Variants in ZNF805 observed in about 807,000 individuals in gnomAD.
ZNF805 encodes CTC-444N24.8.
ZNF805 carries 7 observed loss-of-function variants against 13.6 expected under a neutral mutation model. The observed-to-expected ratio is 0.51, with a 90% CI of 0.29 to 0.97. The LOEUF is 0.97. Among genes scored for constraint, ZNF805 ranks in the 50% least tolerant of loss-of-function variants. The pLI is 0.08. For synonymous variants in ZNF805, 293 were observed against 279.8 expected, an observed-to-expected ratio of 1.05 and a Z score of -0.47; for missense variants, 604 against 771.0, an observed-to-expected ratio of 0.78 and a Z score of 2.57.
At position 57,254,348 on chromosome 19, in the gene ZNF805, C is replaced by T. The variant is rs771808581; in HGVS notation, c.1529C>T (p.Pro510Leu). 1 of 1,614,118 alleles carries T rather than the reference C, an allele frequency of 6.2e-7. No individual in the cohort carries two copies. Among genetic ancestry groups the T allele is most frequent in the Non-Finnish European group, 8.5e-7 (1 of 1,180,030 alleles). Residue 510 changes from proline to leucine, a missense_variant, in exon 4 of 4, where the codon CCC (proline) becomes CTC (leucine). Physicochemically the swap from Pro to Leu is moderately conservative, Grantham distance 98. This residue lies in a region of ZNF805 where 228 missense variants were observed against 352.8 expected (regional missense o/e 0.65). Transcript: ENST00000414468. ...RHQRIHSGEK[P>L]YECIECGKTF... is the part of the protein sequence containing the mutation. ...CAGCGGATTCATAGTGGAGAGAAGC[C>T]CTATGAATGCATCGAGTGTGGGAAA...
In ZNF805 at chr19:57,255,906, TC is replaced by T. The variant is rs2087684577; in HGVS notation, c.*1205del. ...TAGTGACAAGTTATCCATGCCTTGT[TC>T]CTGATATTAGGGGGAAATGTTCAGT... On this transcript the variant is annotated 3_prime_UTR_variant, in exon 4 of 4. Coordinates refer to ENST00000414468, the MANE Select transcript of ZNF805 (RefSeq NM_001023563.4). Among the ~76,000 whole-genome samples, 1 of 152,160 alleles carries T rather than the reference TC, an allele frequency of 6.6e-6. No homozygotes were observed.
Position 57,262,656 on chromosome 19 carries a change from A to C in ZNF805, c.*7953A>C, listed in dbSNP as rs534111139. ...CTGGCTACAACAGAGATAGTTGAAG[A>C]ATATGGAGTTCGCCATAATTTATCA... On this transcript the variant is annotated 3_prime_UTR_variant, in exon 4 of 4. Coordinates refer to ENST00000414468, the MANE Select transcript of ZNF805 (RefSeq NM_001023563.4). 3.6e-4 allele frequency: 60 copies of C among 167,230 alleles called. No individual in the cohort carries two copies. The highest frequency in any genetic ancestry group is 1.4e-3 in the African/African-American group (58 of 41,590). The allele number at this position is 167,230 out of a possible 1,614,324, so 10.4% of individuals were successfully genotyped here.
rs2087671037 is a variant in ZNF805, at chr19:57,254,155, A to G, written c.1336A>G (p.Lys446Glu). ...FTHCSTFILHKRAHTGEKPFE... is the reference protein window; with the variant it reads ...FTHCSTFILHERAHTGEKPFE... ...CCACTGCTCTACTTTCATCTTGCAT[A>G]AAAGGGCCCACACTGGAGAAAAACC... is the stretch of plus-strand genomic sequence containing the variant. Residue 446 changes from lysine to glutamate, a missense_variant, in exon 4 of 4, where the codon AAA (lysine) becomes GAA (glutamate). By Grantham distance (56) the Lys-to-Glu change is moderately conservative. Transcript: ENST00000414468. The G allele has an allele frequency of 6.2e-7, 1 of 1,613,596 alleles. No individual in the cohort carries two copies. Among genetic ancestry groups the G allele is most frequent in the East Asian group, 2.2e-5 (1 of 44,830 alleles).
At chr19:57,248,432 A>C (rs1027053931) in intron 2 of ZNF805, among the ~76,000 whole-genome samples, 173 bp from the exon 3 acceptor site, 5 of 152,236 alleles carry the variant, frequency 3.3e-5, no homozygotes, top group African/African-American at 9.6e-5. Flanking sequence ...ATTCTGTGGC[A>C]GCATGACATG....
At position 57,257,955 on chromosome 19, in the gene ZNF805, G is replaced by A. The variant is rs2087698646; in HGVS notation, c.*3252G>A. On this transcript the variant is annotated 3_prime_UTR_variant, in exon 4 of 4. Transcript: ENST00000414468. ...ACTCCTGACCTCAGGTGATCCACCT[G>A]CCTCAGCCTCCCAAAGTGCTAGGAT... Among the ~76,000 whole-genome samples, 1 of 147,502 alleles carries A rather than the reference G, an allele frequency of 6.8e-6. No individual in the cohort carries two copies.
At position 57,240,700 on chromosome 19, in the gene ZNF805, A is replaced by G. The variant is rs1157516784; in HGVS notation, c.-192A>G. The G allele has an allele frequency of 5.9e-6, 3 of 511,772 alleles. No individual in the cohort carries two copies. The highest frequency in any genetic ancestry group is 1.0e-5 in the Non-Finnish European group (3 of 289,656). 31.7% of individuals were successfully genotyped at this position (511,772 alleles called of 1,614,324 possible). Reference sequence around the variant, plus strand: ...GCCGCCTCCCTGGCGGCGCTGGGGAAATGAGCAGGTAGGAGGCCGACAGCG... The same window carrying G: ...GCCGCCTCCCTGGCGGCGCTGGGGAGATGAGCAGGTAGGAGGCCGACAGCG... On this transcript the variant is annotated 5_prime_UTR_variant, in exon 1 of 4. Transcript: ENST00000414468.
In ZNF805 at chr19:57,243,848, C is replaced by A. The variant is rs897140167; in HGVS notation, c.31-75C>A. ...GGCCCTCAGTGACTTGGGCCTTGAT[C>A]TTGTTGCACCTTTTCCAGCAAAGCA... On this transcript the variant is annotated intron_variant, in intron 1 of 3. Coordinates refer to ENST00000414468, the MANE Select transcript of ZNF805 (RefSeq NM_001023563.4). 15 of 1,606,322 alleles carry A rather than the reference C, an allele frequency of 9.3e-6. No homozygotes were observed. The South Asian group carries it at 1.7e-4, about 18-fold the overall frequency.
chr19:57,251,329 C>G (rs536301907), intron 3 of ZNF805, among the ~76,000 whole-genome samples: 78 of 152,206 alleles, frequency 5.1e-4, no homozygotes, highest in African/African-American at 1.8e-3. Context: ...TAAATGGACA[C>G]AAAATATTAT....
At position 57,255,679 on chromosome 19, in the gene ZNF805, A is replaced by G. The variant is rs1166000513; in HGVS notation, c.*976A>G. 1.3e-5 allele frequency among the ~76,000 whole-genome samples: 2 copies of G among 152,058 alleles called. No homozygotes were observed. The highest frequency in any genetic ancestry group is 2.9e-5 in the Non-Finnish European group (2 of 67,942). On this transcript the variant is annotated 3_prime_UTR_variant, in exon 4 of 4. Coordinates refer to ENST00000414468, the MANE Select transcript of ZNF805 (RefSeq NM_001023563.4). Reference sequence around the variant, plus strand: ...AGTATACAGAAACATTATTTTTTCAATCTTATTTTGCTGTCTTGCAACCTT... The same window carrying G: ...AGTATACAGAAACATTATTTTTTCAGTCTTATTTTGCTGTCTTGCAACCTT...
chr19:57,245,562 AAG>A (rs2087608872), intron 2 of ZNF805, among the ~76,000 whole-genome samples: 1 of 149,446 alleles, frequency 6.7e-6, no homozygotes, highest in Non-Finnish European at 1.5e-5. Flanking sequence ...GGCGGATCAC[AAG>A]GTCAGGAGAT....
rs2087671772 is a variant in ZNF805 at position 57,254,223 on chromosome 19, A to G, written c.1404A>G (p.Ala468=). The G allele has an allele frequency of 6.2e-7, 1 of 1,613,956 alleles. No homozygotes were observed. Among genetic ancestry groups the G allele is most frequent in the Non-Finnish European group, 8.5e-7 (1 of 1,179,992 alleles). ...KECGKAFSNR[A]DLIRHFSIHT... is the part of the protein sequence containing the mutation. ...GTGGGAAAGCCTTTAGCAATAGGGC[A>G]GACCTCATTCGCCACTTCAGCATCC... The change falls in exon 4 of 4, where the codon GCA becomes GCG. Residue 468 remains alanine (A), a synonymous_variant. Transcript: ENST00000414468.
rs576458851 is a variant in ZNF805, at chr19:57,253,870, G to C, written c.1051G>C (p.Val351Leu). ...NPYECFECGK[V>L]FKHRSYLMWH... ...CTACGAGTGCTTCGAATGTGGCAAG[G>C]TCTTCAAACACAGATCATACCTCAT... The change falls in exon 4 of 4, where the codon GTC (valine) becomes CTC (leucine). Residue 351 changes from valine (V) to leucine (L), a missense_variant. By Grantham distance (32) the Val-to-Leu change is conservative. Transcript: ENST00000414468. The surrounding 1 kb of genome is among the most constrained non-coding windows in gnomAD (Gnocchi z 4.4). The C allele has an allele frequency of 6.2e-7, 1 of 1,614,092 alleles. No individual in the cohort carries two copies. Among genetic ancestry groups the C allele is most frequent in the Admixed American group, 1.7e-5 (1 of 60,016 alleles).
chr19:57,252,939 G>T (rs2087660175), intron 3 of ZNF805, 134 bp from the exon 4 acceptor site: 1 of 700,240 alleles, frequency 1.4e-6, no homozygotes, highest in African/African-American at 1.9e-5. Flanking sequence ...TTATAGATCT[G>T]GGGTTCAAGA....
In ZNF805 at chr19:57,250,459, C is replaced by T. The variant is rs529482460; in HGVS notation, c.253+1759C>T. Among the ~76,000 whole-genome samples the T allele has an allele frequency of 8.5e-5, 13 of 152,182 alleles. No homozygotes were observed. The East Asian group carries it at 2.3e-3, about 27-fold the overall frequency. On this transcript the variant is annotated intron_variant, in intron 3 of 3. Coordinates refer to ENST00000414468, the MANE Select transcript of ZNF805 (RefSeq NM_001023563.4). ...GTTGGTCAGGCTGGTCTCGAACTCC[C>T]GACCTCAGGTGATCTGCCCGCCTCG...
chr19:57,254,368 G>A lies in ZNF805; in HGVS notation c.1549G>A (p.Gly517Arg). ...GEKPYECIEC[G>R]KTFCWSTNLI... ...GAAGCCCTATGAATGCATCGAGTGT[G>A]GGAAAACATTTTGCTGGAGCACAAA... Residue 517 changes from glycine to arginine, a missense_variant, in exon 4 of 4, where the codon GGG becomes AGG. By Grantham distance (125) the Gly-to-Arg change is moderately radical (BLOSUM62 -2). Around this residue, in one of 3 missense-constraint regions of ZNF805, gnomAD observed 228 missense variants for 352.8 expected, o/e 0.65. Coordinates refer to ENST00000414468, the MANE Select transcript of ZNF805 (RefSeq NM_001023563.4). The A allele has an allele frequency of 6.2e-7, 1 of 1,614,058 alleles. No homozygotes were observed. The highest frequency in any genetic ancestry group is 8.5e-7 in the Non-Finnish European group (1 of 1,180,006).
At position 57,257,363 on chromosome 19, in the gene ZNF805, C is replaced by G. The variant is rs956924769; in HGVS notation, c.*2660C>G. Among the ~76,000 whole-genome samples, 32 of 152,240 alleles carry G rather than the reference C, an allele frequency of 2.1e-4. No individual in the cohort carries two copies. The highest frequency in any genetic ancestry group is 3.7e-4 in the Non-Finnish European group (25 of 68,024). ...AAGAGAAGGATGTTGAAGTCCTGAG[C>G]TATAATTGTGGAATTACCTATTCCT... is the stretch of plus-strand genomic sequence containing the variant. On this transcript the variant is annotated 3_prime_UTR_variant, in exon 4 of 4. Transcript: ENST00000414468.
Position 57,255,131 on chromosome 19 carries a change from T to A in ZNF805, c.*428T>A, listed in dbSNP as rs769705996. 61 of 174,100 alleles carry A rather than the reference T, an allele frequency of 3.5e-4. No individual in the cohort carries two copies. Among genetic ancestry groups the A allele is most frequent in the Non-Finnish European group, 6.9e-4 (50 of 72,638 alleles). 10.8% of individuals were successfully genotyped at this position (174,100 alleles called of 1,614,324 possible). A position where few individuals can be genotyped will look rare whatever the true frequency, so the allele number is the denominator to read the frequency against. On this transcript the variant is annotated 3_prime_UTR_variant, in exon 4 of 4. Transcript: ENST00000414468. Reference sequence around the variant, plus strand: ...ATTTAAGGATTAAAAGAAACATGAATGCGCACATTTTATTGTACCACTTAA... The same window carrying A: ...ATTTAAGGATTAAAAGAAACATGAAAGCGCACATTTTATTGTACCACTTAA...
chr19:57,256,305 T>C lies in ZNF805; in HGVS notation c.*1602T>C, dbSNP rs2087686988. 6.6e-6 allele frequency among the ~76,000 whole-genome samples: 1 copy of C among 152,142 alleles called. No individual in the cohort carries two copies. The highest frequency in any genetic ancestry group is 2.4e-5 in the African/African-American group (1 of 41,454). ...ATCTGTAGTTTTCTTTCTTCAACTG[T>C]TACTGTTTGGTTTTGATGTCTAGAT... On this transcript the variant is annotated 3_prime_UTR_variant, in exon 4 of 4. Coordinates refer to ENST00000414468, the MANE Select transcript of ZNF805 (RefSeq NM_001023563.4).
chr19:57,247,657 G>A (rs1429241782), intron 2 of ZNF805, among the ~76,000 whole-genome samples: 4 of 152,288 alleles, frequency 2.6e-5, no homozygotes, highest in Non-Finnish European at 4.4e-5. Flanking sequence ...TACTATTACC[G>A]TCGTCCTCAT....
Sources: allele counts gnomAD v4.1 joint callset (sites outside exome capture counted in the v4.1 genomes callset), GRCh38; gene constraint gnomAD v4.1.1; regional missense constraint gnomAD v4.1.1; non-coding constraint Gnocchi (gnomAD v3.1); transcripts MANE v1.5; gene names NCBI Gene and HGNC (gene_info 2026-07-23, HGNC 2026-07-21).